SLC28A1: variants seen among roughly 807,000 people sequenced by gnomAD.
The protein encoded by SLC28A1 is solute carrier family 28 member 1, also known as sodium/nucleoside cotransporter 1.
Under a neutral mutation model 74.8 loss-of-function variants are expected in SLC28A1, and 64 were observed. The ratio of observed to expected loss-of-function variants is 0.86; its 90% CI spans 0.70 to 1.05. The LOEUF is 1.05. Ranked by LOEUF, SLC28A1 falls within the 50% of genes least tolerant of loss-of-function variation. SLC28A1 has a pLI of 0.00. For synonymous variants in SLC28A1, 359 were observed against 335.0 expected (o/e 1.07, Z -0.78); for missense variants, 828 against 822.8 (o/e 1.01, Z -0.08).
At chr15:84,958,704 C>A in the SLC28A1 span, among the ~76,000 whole-genome samples, 3 of 152,084 alleles carry the variant, frequency 2.0e-5, no homozygotes, top group Admixed American at 6.5e-5. Flanking sequence ...CAGGAAGGCA[C>A]CACCAAACCT....
intron 8 of SLC28A1, among the ~76,000 whole-genome samples, chr15:84,907,015 C>T (rs1404399550): frequency 6.6e-6 from 1 of 152,172 alleles, no homozygotes; most frequent in Non-Finnish European, 1.5e-5. Flanking sequence ...CAGAGAAAGG[C>T]TGAAGAAAGC....
chr15:84,949,588 T>A (rs2079348096), downstream of SLC28A1, among the ~76,000 whole-genome samples: 1 of 102,342 alleles, frequency 9.8e-6, no homozygotes, highest in South Asian at 3.2e-4. Context: ...TTTTTTTTTT[T>A]AGAGATGGCG....
downstream of SLC28A1, among the ~76,000 whole-genome samples, chr15:84,948,127 A>AC (rs1264838980): frequency 2.0e-5 from 3 of 151,692 alleles, no homozygotes; most frequent in East Asian, 1.9e-4. Context: ...GGCTACATTG[A>AC]CCCCCCTTCT....
At chr15:84,890,137 C>A (rs113969753) in intron 4 of SLC28A1, among the ~76,000 whole-genome samples, 1 of 151,924 alleles carries the variant, frequency 6.6e-6, no homozygotes, top group African/African-American at 2.4e-5. Context: ...GCCCCCCCAC[C>A]GGCCACATTT....
intron 10 of SLC28A1, among the ~76,000 whole-genome samples, chr15:84,918,906 C>G (rs1369714104): frequency 1.7e-5 from 1 of 58,966 alleles, no homozygotes; most frequent in Non-Finnish European, 3.4e-5. Flanking sequence ...CTTCCCTGAA[C>G]CCCTGGCTCT....
chr15:84,957,701 C>T, the SLC28A1 span, among the ~76,000 whole-genome samples: 2,430 of 152,338 alleles, frequency 0.016, 28 homozygotes, highest in Non-Finnish European at 0.027. Context: ...CACTACCACA[C>T]TATTTTGATT....
intron 6 of SLC28A1, among the ~76,000 whole-genome samples, chr15:84,900,185 C>T (rs1284612312): frequency 1.3e-5 from 2 of 151,590 alleles, no homozygotes; most frequent in East Asian, 3.9e-4. Flanking sequence ...ATTAGCCAGG[C>T]ATGGTGGCAT....
At chr15:84,895,272 C>T (rs1007509510) in intron 6 of SLC28A1, 149 bp downstream of exon 6, 12 of 1,582,508 alleles carry the variant, frequency 7.6e-6, no homozygotes, top group Admixed American at 3.3e-5. Context: ...CAGTGGGTGG[C>T]TTCAAACAAA....
intron 6 of SLC28A1, 121 bp downstream of exon 6, chr15:84,895,244 G>T: frequency 6.4e-7 from 1 of 1,573,868 alleles, no homozygotes; most frequent in Non-Finnish European, 8.7e-7. Context: ...GAACTCTCTG[G>T]CGCCCCAGGG....
rs1256527991 is a variant in SLC28A1 at position 84,895,132 on chromosome 15, G to T, written c.461+9G>T. 1 of 1,613,536 alleles carries T rather than the reference G, an allele frequency of 6.2e-7. No individual in the cohort carries two copies. The highest frequency in any genetic ancestry group is 8.5e-7 in the Non-Finnish European group (1 of 1,179,866). ...CTGCTCTGGTTTAAGAGGTGAGTGA[G>T]CTCACAGCCCCGAGGCAGGGCAGGG... On this transcript the variant is annotated intron_variant, in intron 6 of 18. Transcript: ENST00000394573.
chr15:84,924,838 G>T (rs369901467), intron 12 of SLC28A1, among the ~76,000 whole-genome samples: 27 of 151,746 alleles, frequency 1.8e-4, no homozygotes, highest in African/African-American at 6.5e-4. Flanking sequence ...AAACAAATAA[G>T]TTTTTAAATC....
rs895158926 is a variant in SLC28A1 at position 84,945,678 on chromosome 15, C to A, written c.*478C>A. The stretch of plus-strand genomic sequence containing the variant: ...TTCAGAGAAACCCTTCCCGCCTTTC[C>A]TCAGAGTGCTTCCCAAACTGAGGTC... On this transcript the variant is annotated 3_prime_UTR_variant, in exon 19 of 19. Transcript: ENST00000394573. The A allele has an allele frequency of 1.7e-5, 4 of 236,152 alleles. No homozygotes were observed. The highest frequency in any genetic ancestry group is 3.4e-5 in the Non-Finnish European group (4 of 119,150). The allele number at this position is 236,152 out of a possible 1,614,324, so 14.6% of individuals were successfully genotyped here. A position where few individuals can be genotyped will look rare whatever the true frequency, so the allele number is the denominator to read the frequency against.
chr15:84,915,022 C>T (rs909843454), intron 9 of SLC28A1, among the ~76,000 whole-genome samples: 32 of 152,262 alleles, frequency 2.1e-4, no homozygotes, highest in Middle Eastern at 3.4e-3. Context: ...TCCTTCCTGG[C>T]GTGGGCCCAT....
chr15:84,912,525 A>G (rs1038872720), intron 9 of SLC28A1, among the ~76,000 whole-genome samples: 4 of 152,012 alleles, frequency 2.6e-5, no homozygotes, highest in African/African-American at 9.7e-5. Context: ...TATCAGCTGG[A>G]TTAGTCATTC....
At chr15:84,919,916 T>A (rs1248565536) in intron 10 of SLC28A1, among the ~76,000 whole-genome samples, 2 of 152,152 alleles carry the variant, frequency 1.3e-5, no homozygotes, top group Non-Finnish European at 2.9e-5. Flanking sequence ...CTGGAGACTG[T>A]GTTCAACCAA....
chr15:84,969,028 A>G, the SLC28A1 span, among the ~76,000 whole-genome samples: 6 of 152,330 alleles, frequency 3.9e-5, no homozygotes, highest in Middle Eastern at 3.4e-3. Flanking sequence ...GAAGGGAGAG[A>G]AAATGTGGCT....
intron 11 of SLC28A1, among the ~76,000 whole-genome samples, chr15:84,922,888 C>A (rs1391586054): frequency 1.3e-5 from 2 of 152,210 alleles, no homozygotes; most frequent in Non-Finnish European, 2.9e-5. Context: ...CTCAGCCAAC[C>A]CTAACCTAAT....
At chr15:84,939,501 A>G (rs1972388366) in intron 15 of SLC28A1, 1 of 152,184 alleles carries the variant, frequency 6.6e-6, no homozygotes, top group Non-Finnish European at 1.5e-5. Flanking sequence ...TATTTGTATC[A>G]ATGCTTTATG....
chr15:84,899,334 G>T (rs909836509), intron 6 of SLC28A1, among the ~76,000 whole-genome samples: 4 of 151,952 alleles, frequency 2.6e-5, no homozygotes, highest in Admixed American at 6.6e-5. Flanking sequence ...CAGAGGAGAA[G>T]GAGGGCAGAA....
Sources: allele counts gnomAD v4.1 joint callset (sites outside exome capture counted in the v4.1 genomes callset), GRCh38; gene constraint gnomAD v4.1.1; transcripts MANE v1.5; gene names NCBI Gene and HGNC (gene_info 2026-07-23, HGNC 2026-07-21).